The following BRAF variants were observed in gnomAD, a reference collection of about 807,000 sequenced individuals.
BRAF encodes the protein serine/threonine-protein kinase B-raf.
BRAF carries 16 observed loss-of-function variants against 104.6 expected under a neutral mutation model. That is an observed-to-expected ratio of 0.15 (90% CI 0.10 to 0.23). The LOEUF (loss-of-function observed/expected upper bound fraction) is 0.23. Among genes scored for constraint, BRAF ranks in the 10% least tolerant of loss-of-function variants. BRAF has a pLI of 1.00. For missense variants in BRAF, 541 were observed against 937.3 expected, an observed-to-expected ratio of 0.58 and a Z score of 5.52; for synonymous variants, 310 against 341.6, an observed-to-expected ratio of 0.91 and a Z score of 1.02.
chr7:140,840,813 C>G (rs933154719), intron 2 of BRAF, among the ~76,000 whole-genome samples: 1 of 151,242 alleles, frequency 6.6e-6, no homozygotes, highest in Non-Finnish European at 1.5e-5. Context: ...CTCCCAGGCT[C>G]AAGCGATCCT....
At chr7:140,772,129 G>A (rs1799903036) in intron 14 of BRAF, among the ~76,000 whole-genome samples, 1 of 152,138 alleles carries the variant, frequency 6.6e-6, no homozygotes, top group Admixed American at 6.5e-5. Context: ...AGGCTGAAAT[G>A]AGTGACCAGA....
intron 1 of BRAF, among the ~76,000 whole-genome samples, chr7:140,882,545 T>C (rs987358582): frequency 2.3e-4 from 35 of 151,856 alleles, no homozygotes; most frequent in African/African-American, 8.5e-4. Flanking sequence ...ACCCAGCTAA[T>C]TTTTGTATTT....
chr7:140,833,813 A>C (rs1807040687), intron 3 of BRAF, among the ~76,000 whole-genome samples: 1 of 152,210 alleles, frequency 6.6e-6, no homozygotes, highest in Non-Finnish European at 1.5e-5. Flanking sequence ...TTAGTTTTCT[A>C]AACTCATATG....
downstream of BRAF, among the ~76,000 whole-genome samples, chr7:140,714,980 A>C (rs1424125039): frequency 6.6e-6 from 1 of 151,984 alleles, no homozygotes; most frequent in Admixed American, 6.6e-5. Flanking sequence ...GACCACAGTC[A>C]CTCCCGTGTT....
chr7:140,716,366 G>A (rs1395609497), downstream of BRAF, among the ~76,000 whole-genome samples: 1 of 152,148 alleles, frequency 6.6e-6, no homozygotes, highest in African/African-American at 2.4e-5. Flanking sequence ...GGTTAAATGA[G>A]TTAGTTAGGT....
chr7:140,754,463 ACTTTG>A (rs999369726), intron 14 of BRAF, among the ~76,000 whole-genome samples: 17 of 152,290 alleles, frequency 1.1e-4, no homozygotes, highest in African/African-American at 3.6e-4. Flanking sequence ...CTATTAAAAG[ACTTTG>A]CTTTATCTTT....
intron 1 of BRAF, among the ~76,000 whole-genome samples, chr7:140,854,607 G>A (rs897773350): frequency 2.6e-5 from 4 of 152,052 alleles, no homozygotes; most frequent in African/African-American, 9.7e-5. Flanking sequence ...GAAATGAAGA[G>A]AATGAGCTGA....
chr7:140,727,185 CTTTTTTT>C (rs927393889), intron 19 of BRAF, among the ~76,000 whole-genome samples: 3 of 128,630 alleles, frequency 2.3e-5, no homozygotes, highest in Non-Finnish European at 4.9e-5. Flanking sequence ...TTATTTTTTT[CTTTTTTT>C]TTTTTTTTGA....
chr7:140,845,921 C>T (rs576896056), intron 2 of BRAF, among the ~76,000 whole-genome samples: 34 of 152,214 alleles, frequency 2.2e-4, no homozygotes, highest in East Asian at 9.7e-4. Context: ...CCTCGTGATC[C>T]GCCCACCTTA....
At chr7:140,764,808 C>G (rs1799140080) in intron 14 of BRAF, among the ~76,000 whole-genome samples, 3 of 149,542 alleles carry the variant, frequency 2.0e-5, no homozygotes, top group Admixed American at 2.0e-4. Context: ...AGGATACAAA[C>G]AAATGGAAGA....
At chr7:140,828,269 T>C (rs562507959) in intron 3 of BRAF, among the ~76,000 whole-genome samples, 6 of 152,312 alleles carry the variant, frequency 3.9e-5, no homozygotes, top group Admixed American at 3.9e-4. Context: ...CATTTAAAAA[T>C]GTAAAATCCA....
chr7:140,719,525 T>C lies in BRAF; in HGVS notation c.*6969A>G. 6.7e-6 allele frequency: 7 copies of C among 1,040,230 alleles called. No individual in the cohort carries two copies. Among genetic ancestry groups the C allele is most frequent in the Non-Finnish European group, 8.1e-6 (7 of 860,224 alleles). The allele number at this position is 1,040,230 out of a possible 1,614,324, so 64.4% of individuals were successfully genotyped here. A position where few individuals can be genotyped will look rare whatever the true frequency, so the allele number is the denominator to read the frequency against. On this transcript the variant is annotated 3_prime_UTR_variant, in exon 20 of 20. Transcript: ENST00000644969. ...CCAAACTGAACAATATTTTCTGTTA[T>C]ACAAATTTACATGAGAAAAACTCCA...
At chr7:140,783,527 T>A (rs1801080276) in intron 10 of BRAF, 1 of 236,220 alleles carries the variant, frequency 4.2e-6, no homozygotes, top group Non-Finnish European at 8.3e-6. Flanking sequence ...TGTAAAAGCC[T>A]ATATAACAAA....
rs927393889 is a variant in BRAF at position 140,727,185 on chromosome 7, CT to C, written c.2402-670del. ...GGGGGCTTCATGCCATTATTTTTTT[CT>C]TTTTTTTTTTTTTTGAGATGGAATT... On this transcript the variant is annotated intron_variant, in intron 19 of 19. Coordinates refer to ENST00000644969, the MANE Select transcript of BRAF (RefSeq NM_001374258.1). Among the ~76,000 whole-genome samples the C allele has an allele frequency of 2.4e-3, 304 of 128,552 alleles. 1 individual carries two copies. Among genetic ancestry groups the C allele is most frequent in the East Asian group, 5.0e-3 (23 of 4,632 alleles). The allele number at this position is 128,552 out of a possible 152,430, so 84.3% of individuals were successfully genotyped here. A position where few individuals can be genotyped will look rare whatever the true frequency, so the allele number is the denominator to read the frequency against.
chr7:140,777,167 T>C (rs1800416756), intron 13 of BRAF, 79 bp from the exon 13 acceptor site: 1 of 1,475,924 alleles, frequency 6.8e-7, no homozygotes, highest in South Asian at 1.2e-5. Flanking sequence ...CAAAGTAGTC[T>C]GTCGGTAAAA....
chr7:140,870,804 G>A (rs1586478546), intron 1 of BRAF, among the ~76,000 whole-genome samples: 2 of 139,030 alleles, frequency 1.4e-5, no homozygotes, highest in African/African-American at 5.4e-5. Flanking sequence ...TTTTCTTCAA[G>A]AATTTTTTTT....
At chr7:140,764,230 T>C (rs1799076246) in intron 14 of BRAF, among the ~76,000 whole-genome samples, 1 of 151,646 alleles carries the variant, frequency 6.6e-6, no homozygotes, top group Admixed American at 6.6e-5. Flanking sequence ...AGAAAAGGCC[T>C]TTGACAAAAT....
chr7:140,735,783 C>T (rs895535671), intron 18 of BRAF, among the ~76,000 whole-genome samples: 2 of 152,026 alleles, frequency 1.3e-5, no homozygotes, highest in Non-Finnish European at 2.9e-5. Flanking sequence ...GTCTCAAACT[C>T]CTGACCTCAG....
At chr7:140,901,545 G>A (rs1815637086) in intron 1 of BRAF, among the ~76,000 whole-genome samples, 1 of 152,184 alleles carries the variant, frequency 6.6e-6, no homozygotes, top group African/African-American at 2.4e-5. Flanking sequence ...AAAACCTACA[G>A]GAATTTGCAT....
Sources: allele counts gnomAD v4.1 joint callset (sites outside exome capture counted in the v4.1 genomes callset), GRCh38; gene constraint gnomAD v4.1.1; transcripts MANE v1.5; gene names NCBI Gene and HGNC (gene_info 2026-07-23, HGNC 2026-07-21).